Variants in H2AC6 observed in about 807,000 individuals in gnomAD.
H2AC6 encodes histone H2A type 1-C.
A neutral mutation model predicts 6.8 loss-of-function variants in H2AC6; 5 were observed. The observed-to-expected ratio is 0.73, with a 90% CI of 0.38 to 1.54. H2AC6 has a LOEUF of 1.54. Ranked by LOEUF, H2AC6 falls within the 40% of genes most tolerant of loss-of-function variation. The pLI is 0.03. For missense variants in H2AC6, 154 were observed against 180.7 expected, an observed-to-expected ratio of 0.85 and a Z score of 0.85; for synonymous variants, 146 against 79.2, an observed-to-expected ratio of 1.84 and a Z score of -4.48.
chr6:26,124,197 T>G lies in H2AC6; in HGVS notation c.-36T>G. On this transcript the variant is annotated 5_prime_UTR_variant, in exon 1 of 1. Transcript: ENST00000377791. Reference sequence around the variant, plus strand: ...GATTTTGTTTGTTTTCTCGTGAGCTTAGGCCGCTGGTTTTGGTGATTTTTG... The same window carrying G: ...GATTTTGTTTGTTTTCTCGTGAGCTGAGGCCGCTGGTTTTGGTGATTTTTG... 4 of 1,548,898 alleles carry G rather than the reference T, an allele frequency of 2.6e-6. No individual in the cohort carries two copies. Among genetic ancestry groups the G allele is most frequent in the Non-Finnish European group, 3.5e-6 (4 of 1,149,736 alleles).
In H2AC6 at chr6:26,124,659, C is replaced by G. The variant is rs1763595937; in HGVS notation, c.*34C>G. 1 of 1,597,912 alleles carries G rather than the reference C, an allele frequency of 6.3e-7. No homozygotes were observed. On this transcript the variant is annotated 3_prime_UTR_variant, in exon 1 of 1. Coordinates refer to ENST00000377791, the MANE Select transcript of H2AC6 (RefSeq NM_003512.4). ...GTATCTGAGCTCCCGGAAACGCTAT[C>G]AAACCCAAAGGCTCTTTTCAGAGCC...
chr6:26,124,451 C>T lies in H2AC6; in HGVS notation c.219C>T (p.Asp73=), dbSNP rs748645060. ...ILELAGNAAR[D]NKKTRIIPRH... ...AGCTGGCCGGCAACGCGGCTCGCGA[C>T]AACAAGAAGACTCGCATCATCCCGC... The change falls in exon 1 of 1, where the codon GAC becomes GAT. Residue 73 remains aspartate, a synonymous_variant. Coordinates refer to ENST00000377791, the MANE Select transcript of H2AC6 (RefSeq NM_003512.4). 7.4e-6 allele frequency: 12 copies of T among 1,614,022 alleles called. No homozygotes were observed. Among genetic ancestry groups the T allele is most frequent in the Admixed American group, 1.7e-5 (1 of 60,002 alleles).
At position 26,124,315 on chromosome 6, in the gene H2AC6, T is replaced by G. The variant is rs1412286136; in HGVS notation, c.83T>G (p.Val28Gly). Residue 28 changes from valine (V) to glycine (G), a missense_variant, in exon 1 of 1, where the codon GTG (valine) becomes GGG (glycine). Transcript: ENST00000377791. Reference protein sequence around the residue: ...RSSRAGLQFPVGRVHRLLRKG... With the variant: ...RSSRAGLQFPGGRVHRLLRKG... ...TCTCGCGCTGGTCTCCAGTTCCCGG[T>G]GGGCCGAGTGCACCGCCTGCTCCGT... is the stretch of plus-strand genomic sequence containing the variant. The G allele has an allele frequency of 6.2e-7, 1 of 1,613,750 alleles. No homozygotes were observed. Among genetic ancestry groups the G allele is most frequent in the Non-Finnish European group, 8.5e-7 (1 of 1,179,808 alleles).
At position 26,124,351 on chromosome 6, in the gene H2AC6, A is replaced by G. The variant is rs755810991; in HGVS notation, c.119A>G (p.Tyr40Cys). 1 of 1,613,920 alleles carries G rather than the reference A, an allele frequency of 6.2e-7. No individual in the cohort carries two copies. The highest frequency in any genetic ancestry group is 8.5e-7 in the Non-Finnish European group (1 of 1,180,006). Residue 40 changes from tyrosine (Y) to cysteine (C), a missense_variant, in exon 1 of 1, where the codon TAC becomes TGC. Tyr to Cys is a radical substitution (Grantham distance 194, BLOSUM62 -2). Transcript: ENST00000377791. ...CACCGCCTGCTCCGTAAAGGCAACTACGCAGAGCGGGTTGGGGCAGGCGCG... is the reference window on the plus strand; with the variant it reads ...CACCGCCTGCTCCGTAAAGGCAACTGCGCAGAGCGGGTTGGGGCAGGCGCG... ...RVHRLLRKGN[Y>C]AERVGAGAPV... is the part of the protein sequence containing the mutation.
chr6:26,124,363 T>A lies in H2AC6; in HGVS notation c.131T>A (p.Val44Asp). The change falls in exon 1 of 1, where the codon GTT (valine) becomes GAT (aspartate). Residue 44 changes from valine to aspartate, a missense_variant. This residue lies in a region of H2AC6 where 111 missense variants were observed against 91.9 expected (regional missense o/e 1.21). Transcript: ENST00000377791. ...CGTAAAGGCAACTACGCAGAGCGGGTTGGGGCAGGCGCGCCGGTGTACCTG... is the reference window on the plus strand; with the variant it reads ...CGTAAAGGCAACTACGCAGAGCGGGATGGGGCAGGCGCGCCGGTGTACCTG... ...LLRKGNYAERVGAGAPVYLAA... is the reference protein window; with the variant it reads ...LLRKGNYAERDGAGAPVYLAA... 6.2e-7 allele frequency: 1 copy of A among 1,613,596 alleles called. No homozygotes were observed. The highest frequency in any genetic ancestry group is 1.1e-5 in the South Asian group (1 of 91,004).
Position 26,124,241 on chromosome 6 carries a change from A to G in H2AC6, c.9A>G (p.Gly3=), listed in dbSNP as rs1388470515. 1 of 1,594,128 alleles carries G rather than the reference A, an allele frequency of 6.3e-7. No homozygotes were observed. The highest frequency in any genetic ancestry group is 8.5e-7 in the Non-Finnish European group (1 of 1,169,698). The change falls in exon 1 of 1, where the codon GGA becomes GGG. Residue 3 remains glycine, a synonymous_variant. Transcript: ENST00000377791. MS[G]RGKQGGKARA... is the part of the protein sequence containing the mutation. ...ATTTTTGTCTGATTGCAATGTCTGGACGTGGTAAGCAAGGAGGCAAAGCTC... is the reference window on the plus strand; with the variant it reads ...ATTTTTGTCTGATTGCAATGTCTGGGCGTGGTAAGCAAGGAGGCAAAGCTC...
Position 26,124,266 on chromosome 6 carries a change from C to T in H2AC6, c.34C>T (p.Arg12Cys), listed in dbSNP as rs1437761659. 4 of 1,606,080 alleles carry T rather than the reference C, an allele frequency of 2.5e-6. No homozygotes were observed. The highest frequency in any genetic ancestry group is 1.7e-5 in the Admixed American group (1 of 59,230). The change falls in exon 1 of 1, where the codon CGC (arginine) becomes TGC (cysteine). Residue 12 changes from arginine to cysteine, a missense_variant. Physicochemically the swap from Arg to Cys is radical, Grantham distance 180. Around this residue, in one of 2 missense-constraint regions of H2AC6, gnomAD observed 111 missense variants for 91.9 expected, o/e 1.21. Coordinates refer to ENST00000377791, the MANE Select transcript of H2AC6 (RefSeq NM_003512.4). The stretch of plus-strand genomic sequence containing the variant: ...ACGTGGTAAGCAAGGAGGCAAAGCT[C>T]GCGCCAAAGCGAAATCCCGCTCTTC... Reference protein sequence around the residue: ...SGRGKQGGKARAKAKSRSSRA... With the variant: ...SGRGKQGGKACAKAKSRSSRA...
Position 26,124,672 on chromosome 6 carries a change from T to A in H2AC6, c.*47T>A, listed in dbSNP as rs757977035. The A allele has an allele frequency of 1.9e-6, 3 of 1,583,256 alleles. No individual in the cohort carries two copies. In the Admixed American group the frequency reaches 5.3e-5, roughly 28 times the overall value. On this transcript the variant is annotated 3_prime_UTR_variant, in exon 1 of 1. Transcript: ENST00000377791. ...CGGAAACGCTATCAAACCCAAAGGC[T>A]CTTTTCAGAGCCCCCCTACCGTTTC... is the stretch of plus-strand genomic sequence containing the variant.
In H2AC6 at chr6:26,124,193, A is replaced by G. The variant is rs1278839367; in HGVS notation, c.-40A>G. On this transcript the variant is annotated 5_prime_UTR_variant, in exon 1 of 1. Transcript: ENST00000377791. ...TCTTGATTTTGTTTGTTTTCTCGTG[A>G]GCTTAGGCCGCTGGTTTTGGTGATT... 2 of 1,533,364 alleles carry G rather than the reference A, an allele frequency of 1.3e-6. No homozygotes were observed. Among genetic ancestry groups the G allele is most frequent in the Non-Finnish European group, 1.7e-6 (2 of 1,143,796 alleles). The allele number at this position is 1,533,364 out of a possible 1,614,324, so 95.0% of individuals were successfully genotyped here. A position where few individuals can be genotyped will look rare whatever the true frequency, so the allele number is the denominator to read the frequency against.
At position 26,124,643 on chromosome 6, in the gene H2AC6, C is replaced by G. The variant is rs759377181; in HGVS notation, c.*18C>G. The G allele has an allele frequency of 1.2e-6, 2 of 1,605,002 alleles. No individual in the cohort carries two copies. Among genetic ancestry groups the G allele is most frequent in the Non-Finnish European group, 1.7e-6 (2 of 1,173,994 alleles). ...GCAAGTGATTTGACAGGTATCTGAG[C>G]TCCCGGAAACGCTATCAAACCCAAA... is the stretch of plus-strand genomic sequence containing the variant. On this transcript the variant is annotated 3_prime_UTR_variant, in exon 1 of 1. Transcript: ENST00000377791.
chr6:26,124,544 T>C lies in H2AC6; in HGVS notation c.312T>C (p.Ala104=), dbSNP rs200302750. 3.1e-6 allele frequency: 5 copies of C among 1,614,118 alleles called. No homozygotes were observed. The highest frequency in any genetic ancestry group is 4.2e-6 in the Non-Finnish European group (5 of 1,180,028). ...AACTGCTAGGCCGGGTGACCATTGC[T>C]CAGGGCGGCGTCCTTCCTAACATCC... is the stretch of plus-strand genomic sequence containing the variant. ...LNKLLGRVTI[A]QGGVLPNIQA... is the part of the protein sequence containing the mutation. The change falls in exon 1 of 1, where the codon GCT becomes GCC. Residue 104 remains alanine (A), a synonymous_variant. Transcript: ENST00000377791.
rs1475644308 is a variant in H2AC6 at position 26,124,657 on chromosome 6, A to G, written c.*32A>G. ...AGGTATCTGAGCTCCCGGAAACGCTATCAAACCCAAAGGCTCTTTTCAGAG... is the reference window on the plus strand; with the variant it reads ...AGGTATCTGAGCTCCCGGAAACGCTGTCAAACCCAAAGGCTCTTTTCAGAG... On this transcript the variant is annotated 3_prime_UTR_variant, in exon 1 of 1. Coordinates refer to ENST00000377791, the MANE Select transcript of H2AC6 (RefSeq NM_003512.4). The G allele has an allele frequency of 3.1e-6, 5 of 1,598,474 alleles. No individual in the cohort carries two copies. Among genetic ancestry groups the G allele is most frequent in the African/African-American group, 1.3e-5 (1 of 74,486 alleles).
In H2AC6 at chr6:26,124,433, C is replaced by G; in HGVS notation, c.201C>G (p.Ala67=). The G allele has an allele frequency of 6.2e-7, 1 of 1,614,064 alleles. No individual in the cohort carries two copies. Among genetic ancestry groups the G allele is most frequent in the Non-Finnish European group, 8.5e-7 (1 of 1,179,964 alleles). The change falls in exon 1 of 1, where the codon GCC becomes GCG. Residue 67 remains alanine, a synonymous_variant. Coordinates refer to ENST00000377791, the MANE Select transcript of H2AC6 (RefSeq NM_003512.4). ...EYLTAEILEL[A]GNAARDNKKT... Reference sequence around the variant, plus strand: ...TGACCGCCGAGATCCTGGAGCTGGCCGGCAACGCGGCTCGCGACAACAAGA... The same window carrying G: ...TGACCGCCGAGATCCTGGAGCTGGCGGGCAACGCGGCTCGCGACAACAAGA...
At position 26,124,640 on chromosome 6, in the gene H2AC6, G is replaced by A; in HGVS notation, c.*15G>A. The A allele has an allele frequency of 1.2e-6, 2 of 1,606,926 alleles. No individual in the cohort carries two copies. The highest frequency in any genetic ancestry group is 1.7e-6 in the Non-Finnish European group (2 of 1,175,064). ...AGGGCAAGTGATTTGACAGGTATCT[G>A]AGCTCCCGGAAACGCTATCAAACCC... On this transcript the variant is annotated 3_prime_UTR_variant, in exon 1 of 1. Coordinates refer to ENST00000377791, the MANE Select transcript of H2AC6 (RefSeq NM_003512.4).
rs763358244 is a variant in H2AC6 at position 26,124,240 on chromosome 6, G to T, written c.8G>T (p.Gly3Val). Residue 3 changes from glycine (G) to valine (V), a missense_variant, in exon 1 of 1, where the codon GGA becomes GTA. Around this residue, in one of 2 missense-constraint regions of H2AC6, gnomAD observed 111 missense variants for 91.9 expected, o/e 1.21. Coordinates refer to ENST00000377791, the MANE Select transcript of H2AC6 (RefSeq NM_003512.4). MS[G>V]RGKQGGKARA... ...GATTTTTGTCTGATTGCAATGTCTG[G>T]ACGTGGTAAGCAAGGAGGCAAAGCT... is the stretch of plus-strand genomic sequence containing the variant. The T allele has an allele frequency of 6.3e-7, 1 of 1,594,278 alleles. No homozygotes were observed. Among genetic ancestry groups the T allele is most frequent in the Admixed American group, 1.7e-5 (1 of 58,052 alleles).
rs61736058 is a variant in H2AC6, at chr6:26,124,475, G to A, written c.243G>A (p.Pro81=). Residue 81 remains proline, a synonymous_variant, in exon 1 of 1, where the codon CCG becomes CCA. Transcript: ENST00000377791. ...ACAACAAGAAGACTCGCATCATCCCGCGCCACTTGCAGCTGGCCATCCGCA... is the reference window on the plus strand; with the variant it reads ...ACAACAAGAAGACTCGCATCATCCCACGCCACTTGCAGCTGGCCATCCGCA... ...ARDNKKTRII[P]RHLQLAIRND... is the part of the protein sequence containing the mutation. 1,557 of 1,614,102 alleles carry A rather than the reference G, an allele frequency of 9.6e-4. 12 individuals carry two copies. The African/African-American group carries it at 0.015, about 16-fold the overall frequency.
chr6:26,124,472 C>A lies in H2AC6; in HGVS notation c.240C>A (p.Ile80=). 6.2e-7 allele frequency: 1 copy of A among 1,614,160 alleles called. No individual in the cohort carries two copies. The highest frequency in any genetic ancestry group is 1.3e-5 in the African/African-American group (1 of 75,030). ...AARDNKKTRI[I]PRHLQLAIRN... The stretch of plus-strand genomic sequence containing the variant: ...GCGACAACAAGAAGACTCGCATCAT[C>A]CCGCGCCACTTGCAGCTGGCCATCC... The change falls in exon 1 of 1, where the codon ATC becomes ATA. Residue 80 remains isoleucine, a synonymous_variant. Transcript: ENST00000377791.
In H2AC6 at chr6:26,124,457, G is replaced by A. The variant is rs1561956453; in HGVS notation, c.225G>A (p.Lys75=). The A allele has an allele frequency of 1.2e-6, 2 of 1,613,994 alleles. No homozygotes were observed. The highest frequency in any genetic ancestry group is 1.7e-6 in the Non-Finnish European group (2 of 1,180,034). ...ELAGNAARDN[K]KTRIIPRHLQ... ...CCGGCAACGCGGCTCGCGACAACAAGAAGACTCGCATCATCCCGCGCCACT... is the reference window on the plus strand; with the variant it reads ...CCGGCAACGCGGCTCGCGACAACAAAAAGACTCGCATCATCCCGCGCCACT... The change falls in exon 1 of 1, where the codon AAG becomes AAA. Residue 75 remains lysine (K), a synonymous_variant. Transcript: ENST00000377791.
In H2AC6 at chr6:26,124,611, G is replaced by A. The variant is rs199534800; in HGVS notation, c.379G>A (p.Ala127Thr). 2.0e-5 allele frequency: 32 copies of A among 1,613,256 alleles called. No homozygotes were observed. Among genetic ancestry groups the A allele is most frequent in the Non-Finnish European group, 2.5e-5 (30 of 1,179,442 alleles). ...TAAGAAGACCGAGAGTCACCACAAGGCCAAGGGCAAGTGATTTGACAGGTA... is the reference window on the plus strand; with the variant it reads ...TAAGAAGACCGAGAGTCACCACAAGACCAAGGGCAAGTGATTTGACAGGTA... ...LPKKTESHHKAKGK is the reference protein window; with the variant it reads ...LPKKTESHHKTKGK Residue 127 changes from alanine (A) to threonine (T), a missense_variant, in exon 1 of 1, where the codon GCC becomes ACC. Transcript: ENST00000377791.
Sources: allele counts gnomAD v4.1 joint callset, GRCh38; gene constraint gnomAD v4.1.1; regional missense constraint gnomAD v4.1.1; transcripts MANE v1.5; gene names NCBI Gene and HGNC (gene_info 2026-07-23, HGNC 2026-07-21).